Variants in ASXL3 observed in about 807,000 individuals in gnomAD.
ASXL3 encodes ASXL transcriptional regulator 3.
A neutral mutation model predicts 170.6 loss-of-function variants in ASXL3; 34 were observed. That is an observed-to-expected ratio of 0.20 (90% CI 0.15 to 0.27). ASXL3 has a LOEUF of 0.27. Among genes scored for constraint, ASXL3 ranks in the 10% least tolerant of loss-of-function variants. The pLI, the probability that ASXL3 is intolerant of heterozygous loss-of-function variation, is 1.00. For synonymous variants in ASXL3, 1,002 were observed against 989.1 expected (o/e 1.01, Z -0.24); for missense variants, 2,592 against 2,695.3 (o/e 0.96, Z 0.85).
intron 10 of ASXL3, among the ~76,000 whole-genome samples, chr18:33,735,996 T>A (rs2067539294): frequency 1.1e-5 from 1 of 94,948 alleles, no homozygotes; most frequent in Non-Finnish European, 1.9e-5. Context: ...TCTAAGAGCT[T>A]TGCAAATATT....
chr18:33,676,502 T>C lies in ASXL3; in HGVS notation c.715+4636T>C, dbSNP rs114366630. 6.1e-3 allele frequency among the ~76,000 whole-genome samples: 924 copies of C among 152,264 alleles called. 6 individuals carry two copies. The highest frequency in any genetic ancestry group is 0.021 in the African/African-American group (885 of 41,556). ...GGTATGTATTTCTCTGATGAGGTTA[T>C]AATGAAACAAAACAAAACTTTGGTG... On this transcript the variant is annotated intron_variant, in intron 7 of 11. Coordinates refer to ENST00000269197, the MANE Select transcript of ASXL3 (RefSeq NM_030632.3).
intron 8 of ASXL3, among the ~76,000 whole-genome samples, chr18:33,684,007 T>C (rs1011688800): frequency 5.9e-5 from 9 of 152,212 alleles, no homozygotes; most frequent in Non-Finnish European, 1.3e-4. Flanking sequence ...TCTGAGAGTC[T>C]ATCAGTATGA....
At chr18:33,704,247 C>G (rs1371096042) in intron 8 of ASXL3, among the ~76,000 whole-genome samples, 1 of 152,042 alleles carries the variant, frequency 6.6e-6, no homozygotes, top group African/African-American at 2.4e-5. Flanking sequence ...AGTTACATTT[C>G]ACATTCAAGA....
In ASXL3 at chr18:33,739,560, T is replaced by C. The variant is rs2067618022; in HGVS notation, c.2156T>C (p.Met719Thr). ...CCTTTAACATCAGAAACCTCACCGA[T>C]GTCTGACTTACCTTTAACATCAGAA... is the stretch of plus-strand genomic sequence containing the variant. ...NLPLTSETSP[M>T]SDLPLTSETS... The change falls in exon 11 of 12, where the codon ATG (methionine) becomes ACG (threonine). Residue 719 changes from methionine to threonine, a missense_variant. Physicochemically the swap from Met to Thr is moderately conservative, Grantham distance 81. Around this residue, in one of 4 missense-constraint regions of ASXL3, gnomAD observed 2,246 missense variants for 2,219.6 expected, o/e 1.01. Coordinates refer to ENST00000269197, the MANE Select transcript of ASXL3 (RefSeq NM_030632.3). 6.2e-7 allele frequency: 1 copy of C among 1,614,012 alleles called. No homozygotes were observed. Among genetic ancestry groups the C allele is most frequent in the South Asian group, 1.1e-5 (1 of 91,082 alleles).
chr18:33,742,001 C>G (rs887811717), intron 11 of ASXL3, among the ~76,000 whole-genome samples: 2 of 152,146 alleles, frequency 1.3e-5, no homozygotes, highest in Non-Finnish European at 2.9e-5. Context: ...TCTTAATTAC[C>G]AAGAATTGGT....
chr18:33,693,803 G>A (rs1372430964), intron 8 of ASXL3, among the ~76,000 whole-genome samples: 1 of 152,102 alleles, frequency 6.6e-6, no homozygotes, highest in East Asian at 1.9e-4. Context: ...ATTTACAAAG[G>A]CTCAAATTTG....
At chr18:33,709,833 A>G (rs941802456) in intron 8 of ASXL3, among the ~76,000 whole-genome samples, 4 of 152,200 alleles carry the variant, frequency 2.6e-5, no homozygotes, top group African/African-American at 9.7e-5. Flanking sequence ...TCTGCAATGA[A>G]CAGTCTGTTC....
At chr18:33,661,437 G>A (rs561756028) in intron 4 of ASXL3, among the ~76,000 whole-genome samples, 179 bp from the exon 5 acceptor site, 1 of 152,040 alleles carries the variant, frequency 6.6e-6, no homozygotes, top group African/African-American at 2.4e-5. Context: ...TGGAATTGCG[G>A]CCACACAGTT....
At chr18:33,591,562 G>GAAA (rs1015020054) in intron 1 of ASXL3, among the ~76,000 whole-genome samples, 4 of 151,754 alleles carry the variant, frequency 2.6e-5, no homozygotes, top group African/African-American at 4.8e-5. Flanking sequence ...GGAATAGATG[G>GAAA]ACTGTCAGCA....
chr18:33,668,806 A>C (rs2066297787), intron 5 of ASXL3, among the ~76,000 whole-genome samples: 1 of 152,110 alleles, frequency 6.6e-6, no homozygotes, highest in South Asian at 2.1e-4. Flanking sequence ...AATGCTCTAA[A>C]AAGACATGCC....
chr18:33,613,808 A>G (rs1191521009), intron 2 of ASXL3, among the ~76,000 whole-genome samples: 1 of 151,992 alleles, frequency 6.6e-6, no homozygotes, highest in African/African-American at 2.4e-5. Flanking sequence ...ATAGTTCCAG[A>G]TATTAATTAG....
chr18:33,717,728 T>C (rs957410047), intron 8 of ASXL3, among the ~76,000 whole-genome samples: 10 of 152,046 alleles, frequency 6.6e-5, no homozygotes, highest in African/African-American at 2.4e-4. Context: ...TGGTTTATTG[T>C]TTTTGTTTTG....
In ASXL3 at chr18:33,751,145, G is replaced by C. The variant is rs918245656; in HGVS notation, c.*4550G>C. 2.6e-5 allele frequency: 4 copies of C among 151,978 alleles called. No homozygotes were observed. The highest frequency in any genetic ancestry group is 9.7e-5 in the African/African-American group (4 of 41,370). 9.4% of individuals were successfully genotyped at this position (151,978 alleles called of 1,614,324 possible). A position where few individuals can be genotyped will look rare whatever the true frequency, so the allele number is the denominator to read the frequency against. On this transcript the variant is annotated 3_prime_UTR_variant, in exon 12 of 12. Coordinates refer to ENST00000269197, the MANE Select transcript of ASXL3 (RefSeq NM_030632.3). ...TTTCCCTTTCTCAAAGTAACAACTT[G>C]GGTTTCAATATTAAGATATTCTGGA...
At chr18:33,579,447 T>G (rs2064974548) in intron 1 of ASXL3, among the ~76,000 whole-genome samples, 2 of 152,322 alleles carry the variant, frequency 1.3e-5, no homozygotes, top group Admixed American at 1.3e-4. Flanking sequence ...ATTTTACTGC[T>G]GGCTTCCTGG....
intron 8 of ASXL3, among the ~76,000 whole-genome samples, chr18:33,700,073 A>G (rs1599512019): frequency 6.6e-6 from 1 of 152,170 alleles, no homozygotes; most frequent in East Asian, 1.9e-4. Context: ...CTTTTAGTAA[A>G]TTTGCCTGAA....
chr18:33,635,140 T>A (rs760632513), intron 2 of ASXL3, among the ~76,000 whole-genome samples: 8 of 152,168 alleles, frequency 5.3e-5, no homozygotes, highest in Non-Finnish European at 1.0e-4. Flanking sequence ...ATAGTCAAAC[T>A]ATTACTAATT....
chr18:33,664,180 G>GA, intron 5 of ASXL3, among the ~76,000 whole-genome samples: 1 of 152,054 alleles, frequency 6.6e-6, no homozygotes, highest in Non-Finnish European at 1.5e-5. Context: ...TTTTTCAAAG[G>GA]AAAAAACTAA....
At chr18:33,595,003 T>C (rs558868301) in intron 1 of ASXL3, among the ~76,000 whole-genome samples, 2 of 152,146 alleles carry the variant, frequency 1.3e-5, no homozygotes, top group Non-Finnish European at 2.9e-5. Flanking sequence ...ATGACTCAAA[T>C]TGGAAACAGG....
intron 8 of ASXL3, among the ~76,000 whole-genome samples, chr18:33,703,166 T>C (rs1265827608): frequency 1.3e-5 from 2 of 152,120 alleles, no homozygotes; most frequent in African/African-American, 4.8e-5. Context: ...TCCTCTTAAT[T>C]GCTCACGACC....
Sources: gnomAD v4.1 joint callset for allele counts (sites outside exome capture counted in the v4.1 genomes callset) on GRCh38, gnomAD v4.1.1 for gene constraint, gnomAD v4.1.1 regional missense constraint, MANE v1.5 for transcripts, NCBI Gene and HGNC (gene_info 2026-07-23, HGNC 2026-07-21) for gene names.